The following CENPC variants were observed in gnomAD, a reference collection of about 807,000 sequenced individuals.
The protein encoded by CENPC is CENP-C 1.
CENPC carries 63 observed loss-of-function variants against 112.1 expected under a neutral mutation model. That is an observed-to-expected ratio of 0.56 (90% CI 0.46 to 0.69). The LOEUF (loss-of-function observed/expected upper bound fraction) is 0.69, where lower values mean the gene tolerates loss of function less well. Among genes scored for constraint, CENPC ranks in the 30% least tolerant of loss-of-function variants. CENPC has a pLI of 0.00. For missense variants in CENPC, 1,000 were observed against 1,103.8 expected (o/e 0.91, Z 1.33); for synonymous variants, 333 against 367.6 (o/e 0.91, Z 1.08).
chr4:67,489,900 C>G, intron 17 of CENPC, 67 bp downstream of exon 17: 1 of 1,269,992 alleles, frequency 7.9e-7, no homozygotes, highest in Non-Finnish European at 1.1e-6. Context: ...ATTTTAATGT[C>G]TCATCAAATC....
chr4:67,492,675 T>C, intron 15 of CENPC, 194 bp downstream of exon 15: 1 of 872,486 alleles, frequency 1.1e-6, no homozygotes, highest in Non-Finnish European at 1.6e-6. Flanking sequence ...TATAATATGC[T>C]ATTAATAATT....
chr4:67,503,808 T>C (rs987670617), intron 12 of CENPC, among the ~76,000 whole-genome samples: 1 of 151,680 alleles, frequency 6.6e-6, no homozygotes. Context: ...ACTTACTGAA[T>C]TCAAACAATA....
intron 16 of CENPC, among the ~76,000 whole-genome samples, chr4:67,491,666 C>T (rs1725286480): frequency 6.6e-6 from 1 of 151,782 alleles, no homozygotes; most frequent in African/African-American, 2.4e-5. Context: ...GCAGCACCAG[C>T]TTTAAGGTTA....
At chr4:67,490,837 A>AATATATATAT (rs57498869) in intron 16 of CENPC, among the ~76,000 whole-genome samples, 27 of 57,060 alleles carry the variant, frequency 4.7e-4, no homozygotes, top group African/African-American at 1.5e-3. Flanking sequence ...TATAGAAATA[A>AATATATATAT]ATATATATAT....
intron 5 of CENPC, among the ~76,000 whole-genome samples, chr4:67,527,247 A>C (rs1726408128): frequency 6.6e-6 from 1 of 152,158 alleles, no homozygotes; most frequent in Non-Finnish European, 1.5e-5. Context: ...AAACATTCAA[A>C]AATCAATATG....
At position 67,468,934 on chromosome 4, in the gene CENPC, T is replaced by A. The variant is rs187905735; in HGVS notation, c.*3671A>T. ...GTCATACACTATATTATTCCATTGC[T>A]ACAACAATATATAAGTGACAATATT... is the stretch of plus-strand genomic sequence containing the variant. On this transcript the variant is annotated 3_prime_UTR_variant, in exon 19 of 19. Transcript: ENST00000273853. The A allele has an allele frequency of 1.1e-3, 163 of 152,316 alleles. No individual in the cohort carries two copies. Among genetic ancestry groups the A allele is most frequent in the African/African-American group, 3.7e-3 (154 of 41,586 alleles). 9.4% of individuals were successfully genotyped at this position (152,316 alleles called of 1,614,324 possible). A position where few individuals can be genotyped will look rare whatever the true frequency, so the allele number is the denominator to read the frequency against.
At position 67,514,662 on chromosome 4, in the gene CENPC, C is replaced by T. The variant is rs1726005799; in HGVS notation, c.856G>A (p.Ala286Thr). 6.2e-7 allele frequency: 1 copy of T among 1,607,904 alleles called. No homozygotes were observed. Among genetic ancestry groups the T allele is most frequent in the Admixed American group, 1.7e-5 (1 of 59,428 alleles). ...TCGGGAGGACACGAATGAGGTGGAG[C>T]AGTTGCCGCATGCCTAACAATGGGA... ...SSPIVRHAATAPPHSCPPDDT... is the reference protein window; with the variant it reads ...SSPIVRHAATTPPHSCPPDDT... Residue 286 changes from alanine to threonine, a missense_variant, in exon 8 of 19, where the codon GCT becomes ACT. Coordinates refer to ENST00000273853, the MANE Select transcript of CENPC (RefSeq NM_001812.4).
chr4:67,509,706 T>C (rs887199790), intron 9 of CENPC, among the ~76,000 whole-genome samples: 7 of 151,996 alleles, frequency 4.6e-5, no homozygotes, highest in Non-Finnish European at 8.8e-5. Context: ...TTTCAAGCTC[T>C]CCCTCCTGTC....
intron 4 of CENPC, among the ~76,000 whole-genome samples, chr4:67,537,308 AT>A (rs1726752754): frequency 6.6e-6 from 1 of 152,190 alleles, no homozygotes; most frequent in African/African-American, 2.4e-5. Context: ...AGTTGTAAAA[AT>A]TCAATGAAAT....
intron 8 of CENPC, among the ~76,000 whole-genome samples, chr4:67,513,297 G>A (rs1725948775): frequency 6.6e-6 from 1 of 152,084 alleles, no homozygotes; most frequent in South Asian, 2.1e-4. Context: ...GTTGTTTTAA[G>A]CCAATAAGTG....
At chr4:67,517,732 G>A (rs1474239570) in intron 7 of CENPC, among the ~76,000 whole-genome samples, 2 of 151,922 alleles carry the variant, frequency 1.3e-5, no homozygotes, top group Non-Finnish European at 2.9e-5. Context: ...CAGCTACTCG[G>A]GAGGCTGAGC....
At chr4:67,509,139 G>A (rs200176956) in intron 9 of CENPC, 34 bp from the exon 10 acceptor site, 63 of 1,526,952 alleles carry the variant, frequency 4.1e-5, no homozygotes, top group Admixed American at 2.7e-4. Flanking sequence ...AAGTTAGTAA[G>A]TTTGTCCAGA....
chr4:67,480,517 G>T (rs1361820183), intron 17 of CENPC, among the ~76,000 whole-genome samples: 1 of 151,448 alleles, frequency 6.6e-6, no homozygotes, highest in East Asian at 1.9e-4. Flanking sequence ...GGTAATAAAA[G>T]AATTGTCAAC....
chr4:67,478,629 A>AACACACACACAC (rs200741539), intron 17 of CENPC, among the ~76,000 whole-genome samples: 29 of 81,934 alleles, frequency 3.5e-4, no homozygotes, highest in Admixed American at 3.2e-3. Flanking sequence ...GGGTCTATAA[A>AACACACACACAC]ACACACACAC....
At chr4:67,496,582 T>C (rs1482603163) in intron 12 of CENPC, among the ~76,000 whole-genome samples, 1 of 152,160 alleles carries the variant, frequency 6.6e-6, no homozygotes, top group East Asian at 1.9e-4. Context: ...TTGTTAAGAA[T>C]GATTGAATTA....
In CENPC at chr4:67,472,662, G is replaced by A. The variant is rs540985238; in HGVS notation, c.2775C>T (p.Asn925=). Residue 925 remains asparagine (N), a synonymous_variant, in exon 19 of 19, where the codon AAC becomes AAT. Transcript: ENST00000273853. ...TTTCCTCATTCCGGAGATTTTTGAT[G>A]TTATAATAGTTACCTAAAAGTAAAG... is the stretch of plus-strand genomic sequence containing the variant. ...SFYVPSGNYY[N]IKNLRNEESV... The A allele has an allele frequency of 1.3e-6, 2 of 1,504,820 alleles. No homozygotes were observed. Among genetic ancestry groups the A allele is most frequent in the South Asian group, 1.3e-5 (1 of 74,612 alleles). 93.2% of individuals were successfully genotyped at this position (1,504,820 alleles called of 1,614,324 possible). A position where few individuals can be genotyped will look rare whatever the true frequency, so the allele number is the denominator to read the frequency against.
At position 67,540,998 on chromosome 4, in the gene CENPC, C is replaced by T. The variant is rs372910551; in HGVS notation, c.118G>A (p.Asp40Asn). The change falls in exon 3 of 19, where the codon GAC becomes AAC. Residue 40 changes from aspartate (D) to asparagine (N), a missense_variant. By Grantham distance (23) the Asp-to-Asn change is conservative. Transcript: ENST00000273853. The part of the protein sequence containing the change: ...QGQNVLEILQ[D>N]CFEEKSLAND... ...GCCTTACTTTTTTCTTCAAAACAGT[C>T]TTGTAAGATTTCCAGAACATTCTGG... The T allele has an allele frequency of 1.5e-5, 24 of 1,608,656 alleles. No homozygotes were observed. The highest frequency in any genetic ancestry group is 2.0e-5 in the Non-Finnish European group (23 of 1,177,388).
intron 12 of CENPC, among the ~76,000 whole-genome samples, chr4:67,498,674 A>G (rs1397489551): frequency 6.6e-6 from 1 of 152,198 alleles, no homozygotes; most frequent in African/African-American, 2.4e-5. Context: ...TTTCATCTCC[A>G]GACTCCACTT....
At chr4:67,526,363 AT>A (rs1248591801) in intron 5 of CENPC, among the ~76,000 whole-genome samples, 1 of 152,148 alleles carries the variant, frequency 6.6e-6, no homozygotes, top group Non-Finnish European at 1.5e-5. Flanking sequence ...CAAAAAAAAA[AT>A]AGGGTAGTGC....
Sources: allele counts gnomAD v4.1 joint callset (sites outside exome capture counted in the v4.1 genomes callset), GRCh38; gene constraint gnomAD v4.1.1; transcripts MANE v1.5; gene names NCBI Gene and HGNC (gene_info 2026-07-23, HGNC 2026-07-21).